Variants in HHAT observed in about 807,000 individuals in gnomAD.
HHAT encodes the protein protein-cysteine N-palmitoyltransferase HHAT.
Under a neutral mutation model 70.8 loss-of-function variants are expected in HHAT, and 47 were observed. The ratio of observed to expected loss-of-function variants is 0.66; its 90% CI spans 0.53 to 0.85. HHAT has a LOEUF of 0.85. Among genes scored for constraint, HHAT ranks in the 40% least tolerant of loss-of-function variants. The pLI is 0.00. For synonymous variants in HHAT, 228 were observed against 247.6 expected, an observed-to-expected ratio of 0.92 and a Z score of 0.74; for missense variants, 609 against 604.8, an observed-to-expected ratio of 1.01 and a Z score of -0.07.
At chr1:210,404,098 A>AATTC (rs1484373722) in intron 5 of HHAT, among the ~76,000 whole-genome samples, 66 of 152,338 alleles carry the variant, frequency 4.3e-4, no homozygotes, top group Middle Eastern at 3.4e-3. Context: ...ATTGTTGAAG[A>AATTC]AGCTGTCAAA....
At chr1:210,373,205 A>G (rs189210048) in intron 3 of HHAT, among the ~76,000 whole-genome samples, 7 of 152,236 alleles carry the variant, frequency 4.6e-5, no homozygotes, top group South Asian at 4.2e-4. Context: ...TCAGACTTAT[A>G]TAAGTGCCAT....
chr1:210,463,798 A>G (rs1052064938), intron 7 of HHAT, among the ~76,000 whole-genome samples: 1 of 152,218 alleles, frequency 6.6e-6, no homozygotes, highest in Non-Finnish European at 1.5e-5. Flanking sequence ...CAGTTTCTCC[A>G]GATCTTCATC....
At chr1:210,634,483 A>G (rs1671485387) in intron 11 of HHAT, among the ~76,000 whole-genome samples, 1 of 152,330 alleles carries the variant, frequency 6.6e-6, no homozygotes, top group East Asian at 1.9e-4. Context: ...GTTGTCAATC[A>G]TAGAAAATCT....
At chr1:210,348,853 T>A (rs746169545) in intron 1 of HHAT, 80 bp from the exon 2 acceptor site, 87 of 1,383,664 alleles carry the variant, frequency 6.3e-5, no homozygotes, top group Non-Finnish European at 8.2e-5. Flanking sequence ...TCTCCGGGAG[T>A]GTGAACTAAC....
At chr1:210,599,493 C>G (rs1663760673) in intron 10 of HHAT, among the ~76,000 whole-genome samples, 1 of 152,144 alleles carries the variant, frequency 6.6e-6, no homozygotes, top group African/African-American at 2.4e-5. Context: ...CCAGCATACT[C>G]TCTTTCCCCA....
intron 8 of HHAT, among the ~76,000 whole-genome samples, chr1:210,476,111 T>C (rs1391576290): frequency 6.6e-6 from 1 of 152,222 alleles, no homozygotes; most frequent in Non-Finnish European, 1.5e-5. Flanking sequence ...AATAGGTTTT[T>C]TCTTCCTGTT....
At chr1:210,337,904 C>T (rs929695957) in intron 1 of HHAT, among the ~76,000 whole-genome samples, 1 of 152,196 alleles carries the variant, frequency 6.6e-6, no homozygotes, top group Non-Finnish European at 1.5e-5. Flanking sequence ...GAAGTTCATT[C>T]GTATTTGTTG....
chr1:210,592,891 TTA>T (rs1662067304), intron 10 of HHAT, among the ~76,000 whole-genome samples: 1 of 151,386 alleles, frequency 6.6e-6, no homozygotes, highest in Admixed American at 6.6e-5. Context: ...TTTTTTTTTT[TTA>T]TTATACTTTA....
At chr1:210,666,262 T>G (rs943354871) in intron 11 of HHAT, among the ~76,000 whole-genome samples, 3 of 152,202 alleles carry the variant, frequency 2.0e-5, no homozygotes, top group Admixed American at 6.5e-5. Context: ...GATGGATTGA[T>G]TTCTTCCTTG....
intron 3 of HHAT, among the ~76,000 whole-genome samples, chr1:210,378,524 G>T (rs2090400290): frequency 6.6e-6 from 1 of 152,120 alleles, no homozygotes; most frequent in African/African-American, 2.4e-5. Flanking sequence ...GGTAAGGTAG[G>T]TCATTTCCTT....
At chr1:210,663,910 C>T (rs183808224) in intron 11 of HHAT, among the ~76,000 whole-genome samples, 38 of 152,316 alleles carry the variant, frequency 2.5e-4, no homozygotes, top group South Asian at 1.5e-3. Flanking sequence ...AGTCCTTTCT[C>T]CTGAGAGGAC....
At chr1:210,460,739 G>C (rs1204709056) in intron 7 of HHAT, among the ~76,000 whole-genome samples, 1 of 152,172 alleles carries the variant, frequency 6.6e-6, no homozygotes, top group Non-Finnish European at 1.5e-5. Context: ...GCCAAGAAAA[G>C]AAGGAGGGGT....
chr1:210,631,212 C>T (rs1670799557), intron 11 of HHAT: 1 of 430,632 alleles, frequency 2.3e-6, no homozygotes, highest in Non-Finnish European at 4.6e-6. Context: ...AAATTCTACT[C>T]TTCTCTCTCT....
intron 11 of HHAT, among the ~76,000 whole-genome samples, chr1:210,662,498 G>T (rs758741682): frequency 3.3e-5 from 5 of 152,150 alleles, no homozygotes; most frequent in Non-Finnish European, 7.3e-5. Flanking sequence ...TCCTAATTAG[G>T]CTGGAATAAA....
At chr1:210,583,995 C>A (rs1200516398) in intron 9 of HHAT, among the ~76,000 whole-genome samples, 1 of 118,444 alleles carries the variant, frequency 8.4e-6, no homozygotes, top group Non-Finnish European at 1.6e-5. Context: ...CTCTGTTGCC[C>A]AGGCTGGAGG....
At chr1:210,663,513 C>A (rs551908417) in intron 11 of HHAT, among the ~76,000 whole-genome samples, 1 of 152,288 alleles carries the variant, frequency 6.6e-6, no homozygotes, top group South Asian at 2.1e-4. Context: ...GCCTTAGTTT[C>A]CGTATCTACT....
chr1:210,513,755 G>A (rs1047245507), intron 9 of HHAT, among the ~76,000 whole-genome samples: 1 of 152,186 alleles, frequency 6.6e-6, no homozygotes, highest in African/African-American at 2.4e-5. Context: ...TTAAGAATAT[G>A]CATATTTTGT....
At chr1:210,440,424 A>G (rs887775913) in intron 7 of HHAT, among the ~76,000 whole-genome samples, 2 of 151,490 alleles carry the variant, frequency 1.3e-5, no homozygotes, top group Non-Finnish European at 2.9e-5. Context: ...AAGCCTTTCT[A>G]CCCCCATGGC....
intron 11 of HHAT, among the ~76,000 whole-genome samples, chr1:210,633,050 G>A (rs1457256002): frequency 1.3e-5 from 2 of 152,172 alleles, no homozygotes; most frequent in South Asian, 2.1e-4. Flanking sequence ...TCTAGCCTCC[G>A]TAACAAACAG....
Sources: gnomAD v4.1 joint callset for allele counts (sites outside exome capture counted in the v4.1 genomes callset) on GRCh38, gnomAD v4.1.1 for gene constraint, MANE v1.5 for transcripts, NCBI Gene and HGNC (gene_info 2026-07-23, HGNC 2026-07-21) for gene names.